CLSTN2: variants seen among roughly 807,000 people sequenced by gnomAD.
CLSTN2 encodes the protein calsyntenin-2.
Under a neutral mutation model 101.2 loss-of-function variants are expected in CLSTN2, and 48 were observed. That is an observed-to-expected ratio of 0.47 (90% confidence interval 0.38 to 0.60). The LOEUF is 0.60. CLSTN2 is among the 20% of genes least tolerant of loss of function. The probability of loss-of-function intolerance (pLI) is 0.00; values close to 1 mark genes in which losing one functional copy is unlikely to be tolerated. For synonymous variants in CLSTN2, 481 were observed against 463.6 expected, an observed-to-expected ratio of 1.04 and a Z score of -0.48; for missense variants, 1,160 against 1,238.2, an observed-to-expected ratio of 0.94 and a Z score of 0.95.
chr3:140,427,715 T>G (rs138130891), intron 5 of CLSTN2, among the ~76,000 whole-genome samples: 30 of 152,296 alleles, frequency 2.0e-4, no homozygotes, highest in Admixed American at 5.9e-4. Flanking sequence ...TATGCACCTG[T>G]CTCAACTTGA....
chr3:140,420,051 C>G (rs1256623190), intron 4 of CLSTN2, among the ~76,000 whole-genome samples: 1 of 150,532 alleles, frequency 6.6e-6, no homozygotes, highest in African/African-American at 2.5e-5. Context: ...TACCATCACA[C>G]CTGGTTAATT....
intron 1 of CLSTN2, among the ~76,000 whole-genome samples, chr3:140,035,956 A>T (rs2007643463): frequency 6.6e-6 from 1 of 152,244 alleles, no homozygotes; most frequent in East Asian, 1.9e-4. Context: ...AACATATGCC[A>T]CTTCTCAGCT....
chr3:140,438,380 G>A (rs1036014415), intron 5 of CLSTN2, among the ~76,000 whole-genome samples: 9 of 129,664 alleles, frequency 6.9e-5, no homozygotes, highest in Admixed American at 6.8e-4. Context: ...CTTGTTCAGC[G>A]AAATGGGAAA....
chr3:140,292,053 C>T (rs142503110), intron 2 of CLSTN2, among the ~76,000 whole-genome samples: 124 of 152,288 alleles, frequency 8.1e-4, no homozygotes, highest in African/African-American at 3.0e-3. Context: ...TTCTCCCCTC[C>T]TCAATTCAAT....
chr3:140,238,664 G>T (rs1043950511), intron 2 of CLSTN2, among the ~76,000 whole-genome samples: 1 of 152,154 alleles, frequency 6.6e-6, no homozygotes, highest in Non-Finnish European at 1.5e-5. Context: ...CTCATTATGA[G>T]ATCTTTTTAG....
chr3:140,412,000 C>T (rs2107984229), intron 4 of CLSTN2, among the ~76,000 whole-genome samples: 1 of 152,130 alleles, frequency 6.6e-6, no homozygotes, highest in African/African-American at 2.4e-5. Flanking sequence ...ACAGATTTTC[C>T]ACGGGGAGAT....
At chr3:139,969,660 G>A (rs1193300831) in intron 1 of CLSTN2, among the ~76,000 whole-genome samples, 1 of 152,128 alleles carries the variant, frequency 6.6e-6, no homozygotes, top group Non-Finnish European at 1.5e-5. Context: ...TCTTCACTTA[G>A]ACCCTGTCTG....
chr3:140,335,537 G>T (rs1383127226), intron 2 of CLSTN2, among the ~76,000 whole-genome samples: 1 of 151,732 alleles, frequency 6.6e-6, no homozygotes, highest in Non-Finnish European at 1.5e-5. Context: ...CCCCAGTTCT[G>T]GGGCCCTCCC....
intron 2 of CLSTN2, among the ~76,000 whole-genome samples, chr3:140,244,799 T>A (rs538855777): frequency 6.6e-6 from 1 of 152,266 alleles, no homozygotes; most frequent in Non-Finnish European, 1.5e-5. Context: ...AAGTTTGTAG[T>A]TCCAGTTTGA....
chr3:140,518,906 C>A (rs982603988), intron 8 of CLSTN2, among the ~76,000 whole-genome samples: 1 of 152,122 alleles, frequency 6.6e-6, no homozygotes, highest in Admixed American at 6.6e-5. Context: ...GCTCCTGGTT[C>A]TTCTAATTGT....
chr3:140,417,051 T>C (rs985525538), intron 4 of CLSTN2, among the ~76,000 whole-genome samples: 1 of 152,246 alleles, frequency 6.6e-6, no homozygotes, highest in African/African-American at 2.4e-5. Context: ...CCCATAATCC[T>C]GCCAAAGTAA....
chr3:140,176,214 A>G, intron 2 of CLSTN2, 141 bp downstream of exon 2: 1 of 882,414 alleles, frequency 1.1e-6, no homozygotes, highest in Non-Finnish European at 1.7e-6. Context: ...TTAAAGCTGT[A>G]TGCCTCTTAT....
rs531599534 is a variant in CLSTN2, at chr3:140,544,914, G to C, written c.1508-1601G>C. Among the ~76,000 whole-genome samples the C allele has an allele frequency of 9.9e-5, 15 of 152,212 alleles. No individual in the cohort carries two copies. The South Asian group carries it at 3.1e-3, about 32-fold the overall frequency. On this transcript the variant is annotated intron_variant, in intron 9 of 16. Transcript: ENST00000458420. ...AGGGGTGGTGTCTCAGTATAAAGAGGAATGGGTTTAAGCAAAGGCATATGG... is the reference window on the plus strand; with the variant it reads ...AGGGGTGGTGTCTCAGTATAAAGAGCAATGGGTTTAAGCAAAGGCATATGG...
chr3:140,469,023 GC>G (rs1933773748), intron 8 of CLSTN2, among the ~76,000 whole-genome samples: 1 of 152,188 alleles, frequency 6.6e-6, no homozygotes, highest in African/African-American at 2.4e-5. Context: ...TCTCTTCCTA[GC>G]TTTTAGAGGG....
At chr3:140,223,960 C>T (rs113051702) in intron 2 of CLSTN2, among the ~76,000 whole-genome samples, 9 of 152,246 alleles carry the variant, frequency 5.9e-5, no homozygotes, top group African/African-American at 2.2e-4. Flanking sequence ...GAAGAAGGTT[C>T]TAGACATGTG....
chr3:140,428,810 A>G (rs2088599384), intron 5 of CLSTN2, among the ~76,000 whole-genome samples: 1 of 152,188 alleles, frequency 6.6e-6, no homozygotes, highest in South Asian at 2.1e-4. Context: ...AGTGCGTCAA[A>G]TTGTCTGCAC....
chr3:140,549,564 A>G (rs968204913), intron 10 of CLSTN2, among the ~76,000 whole-genome samples: 6 of 150,594 alleles, frequency 4.0e-5, no homozygotes, highest in African/African-American at 1.5e-4. Context: ...TACTTCTCAC[A>G]ACAAATTAAA....
chr3:140,181,138 G>T (rs1392397032), intron 2 of CLSTN2, among the ~76,000 whole-genome samples: 2 of 152,324 alleles, frequency 1.3e-5, no homozygotes, highest in Middle Eastern at 6.8e-3. Context: ...CTAGCTGTAT[G>T]ATCTCAGATA....
chr3:140,439,886 G>A (rs181947708), intron 5 of CLSTN2, among the ~76,000 whole-genome samples: 8 of 152,346 alleles, frequency 5.3e-5, no homozygotes, highest in Admixed American at 5.2e-4. Context: ...GAGAATTGGA[G>A]TGTGCATGTT....
Sources: gnomAD v4.1 joint callset for allele counts (sites outside exome capture counted in the v4.1 genomes callset) on GRCh38, gnomAD v4.1.1 for gene constraint, MANE v1.5 for transcripts, NCBI Gene and HGNC (gene_info 2026-07-23, HGNC 2026-07-21) for gene names.